The following ZNF536 variants were observed in gnomAD, a reference collection of about 807,000 sequenced individuals.
The protein encoded by ZNF536 is zinc finger protein 536.
In ZNF536, 13 loss-of-function variants were observed where a neutral mutation model predicts 84.5. The ratio of observed to expected loss-of-function variants is 0.15; its 90% CI spans 0.10 to 0.24. The LOEUF (loss-of-function observed/expected upper bound fraction) is 0.24. ZNF536 is among the 10% of genes least tolerant of loss of function. The pLI is 1.00. For missense variants in ZNF536, 1,536 were observed against 1,747.5 expected (o/e 0.88, Z 2.16); for synonymous variants, 811 against 742.5 (o/e 1.09, Z -1.50).
intron 2 of ZNF536, among the ~76,000 whole-genome samples, chr19:30,514,139 ATGTTTTCAAAG>A (rs958439069): frequency 6.6e-6 from 1 of 152,132 alleles, no homozygotes; most frequent in African/African-American, 2.4e-5. Context: ...CAAATGGCGT[ATGTTTTCAAAG>A]TGATTCCCCT....
chr19:30,264,962 T>TGAGAGAGAGA (rs1416736166), intron 1 of ZNF536, among the ~76,000 whole-genome samples: 1 of 83,538 alleles, frequency 1.2e-5, no homozygotes, highest in African/African-American at 6.7e-5. Context: ...TGTGTGTGTG[T>TGAGAGAGAGA]GTGTGAGAGA....
At chr19:30,661,741 A>G (rs2050129580) in intron 1 of ZNF536, among the ~76,000 whole-genome samples, 1 of 152,252 alleles carries the variant, frequency 6.6e-6, no homozygotes, top group Non-Finnish European at 1.5e-5. Context: ...AACACCATGT[A>G]GCTATAAAAT....
chr19:30,226,997 A>G (rs567193885), upstream of ZNF536, among the ~76,000 whole-genome samples: 1 of 151,976 alleles, frequency 6.6e-6, no homozygotes, highest in East Asian at 1.9e-4. This position sits in a 1 kb window ranked among gnomAD's most constrained non-coding sequence, Gnocchi z 4.6. Flanking sequence ...AAAAAAAAAA[A>G]AGTTAGGGTT....
chr19:30,686,801 A>C (rs1330426470), intron 1 of ZNF536, among the ~76,000 whole-genome samples: 3 of 149,952 alleles, frequency 2.0e-5, no homozygotes, highest in Non-Finnish European at 4.4e-5. Context: ...CCCCCCATCC[A>C]GTAAATGCAT....
intron 1 of ZNF536, among the ~76,000 whole-genome samples, chr19:30,264,938 T>TGA: frequency 1.1e-5 from 1 of 90,850 alleles, no homozygotes; most frequent in African/African-American, 6.9e-5. Flanking sequence ...GTCGTGTGTG[T>TGA]GTGTGTGTGT....
upstream of ZNF536, among the ~76,000 whole-genome samples, chr19:30,371,973 G>A (rs1396162400): frequency 6.6e-6 from 1 of 152,160 alleles, no homozygotes; most frequent in African/African-American, 2.4e-5. Context: ...AAGAAGGGCA[G>A]TTAATTTCAG....
intron 1 of ZNF536, among the ~76,000 whole-genome samples, chr19:30,603,179 A>G (rs930958335): frequency 6.6e-6 from 1 of 152,212 alleles, no homozygotes; most frequent in Non-Finnish European, 1.5e-5. Flanking sequence ...AGGCCTCAGG[A>G]GTATAAGAAC....
chr19:30,287,205 A>T (rs1358663450), intron 2 of ZNF536, among the ~76,000 whole-genome samples: 1 of 147,924 alleles, frequency 6.8e-6, no homozygotes, highest in Admixed American at 6.7e-5. Flanking sequence ...GAGGATGGAT[A>T]CATAGATGGG....
At chr19:30,519,974 T>C (rs1282133063) in intron 2 of ZNF536, among the ~76,000 whole-genome samples, 1 of 152,210 alleles carries the variant, frequency 6.6e-6, no homozygotes, top group East Asian at 1.9e-4. Flanking sequence ...CCTGACTTAG[T>C]CTGGAAGATG....
rs142789477 is a variant in ZNF536, at chr19:30,614,001, T to C, written c.169+64487T>C. Among the ~76,000 whole-genome samples the C allele has an allele frequency of 1.4e-3, 206 of 152,340 alleles. 1 individual carries two copies. In the East Asian group the frequency reaches 0.037, roughly 27 times the overall value. On this transcript the variant is annotated intron_variant, in intron 1 of 1. Coordinates refer to the ZNF536 transcript ENST00000592773. ...TCTCAGCCTCCCGAGTAGCTGGGAC[T>C]ACAGGTGCGTGCCACCATGCCCAGC...
intron 2 of ZNF536, among the ~76,000 whole-genome samples, chr19:30,484,915 G>A (rs2054241343): frequency 6.6e-6 from 1 of 151,918 alleles, no homozygotes; most frequent in African/African-American, 2.4e-5. Context: ...AGGCCGAGGA[G>A]GGTGGATCAC....
chr19:30,366,839 G>C (rs558789468), intron 3 of ZNF536, among the ~76,000 whole-genome samples: 6 of 152,306 alleles, frequency 3.9e-5, no homozygotes, highest in African/African-American at 1.4e-4. Context: ...AACACCATTT[G>C]TTAGGGCAAA....
Position 30,282,240 on chromosome 19 carries a change from C to T in ZNF536, c.-189-1832C>T, listed in dbSNP as rs2145650981. On this transcript the variant is annotated intron_variant, in intron 1 of 5. Transcript: ENST00000585628. ...AGTGAGGCTGTACTCGTCAGCTGCC[C>T]TACTGGCGTGTTGGGCTAACCTTGC... Among the ~76,000 whole-genome samples the T allele has an allele frequency of 2.0e-5, 3 of 152,380 alleles. No individual in the cohort carries two copies. The South Asian group carries it at 6.2e-4, about 32-fold the overall frequency.
intron 3 of ZNF536, among the ~76,000 whole-genome samples, chr19:30,546,558 G>A (rs569895938): frequency 1.0e-3 from 152 of 152,290 alleles, no homozygotes; most frequent in African/African-American, 3.2e-3. Flanking sequence ...CAAAGTCCAC[G>A]CCCCCAAATG....
At chr19:30,484,516 G>T (rs1292737535) in intron 2 of ZNF536, among the ~76,000 whole-genome samples, 3 of 151,246 alleles carry the variant, frequency 2.0e-5, no homozygotes, top group Non-Finnish European at 4.4e-5. Flanking sequence ...GATTACAGGC[G>T]TGAGCCACCG....
chr19:30,595,922 G>C (rs1174299577), intron 1 of ZNF536, among the ~76,000 whole-genome samples: 2 of 152,166 alleles, frequency 1.3e-5, no homozygotes, highest in Non-Finnish European at 2.9e-5. Flanking sequence ...GGAAAGGAGA[G>C]GGGGTGCAGT....
chr19:30,663,093 C>T (rs1463433408), intron 1 of ZNF536, among the ~76,000 whole-genome samples: 1 of 151,808 alleles, frequency 6.6e-6, no homozygotes, highest in East Asian at 1.9e-4. Context: ...CCAATACTTC[C>T]CTTTGAAATG....
intron 1 of ZNF536, among the ~76,000 whole-genome samples, chr19:30,400,853 T>A (rs1470273768): frequency 2.0e-5 from 3 of 152,212 alleles, no homozygotes; most frequent in African/African-American, 7.2e-5. Context: ...GAGCAAAAAA[T>A]TTAATTTTGA....
At chr19:30,604,005 G>A (rs1004375458) in intron 1 of ZNF536, among the ~76,000 whole-genome samples, 3 of 152,116 alleles carry the variant, frequency 2.0e-5, no homozygotes, top group South Asian at 2.1e-4. Context: ...CAGGAGAATC[G>A]CTTGAACCTG....
Sources: allele counts gnomAD v4.1 joint callset (sites outside exome capture counted in the v4.1 genomes callset), GRCh38; gene constraint gnomAD v4.1.1; non-coding constraint Gnocchi (gnomAD v3.1); transcripts MANE v1.5; gene names NCBI Gene and HGNC (gene_info 2026-07-23, HGNC 2026-07-21).